Variants in SYNE1 observed in about 807,000 individuals in gnomAD.
The protein encoded by SYNE1 is spectrin repeat containing nuclear envelope protein 1, also known as nesprin-1.
A neutral mutation model predicts 1,111.0 loss-of-function variants in SYNE1; 616 were observed. That is an observed-to-expected ratio of 0.55 (90% confidence interval 0.52 to 0.59). The LOEUF (loss-of-function observed/expected upper bound fraction) is 0.59, where lower values mean the gene tolerates loss of function less well. Ranked by LOEUF, SYNE1 falls within the 20% of genes least tolerant of loss-of-function variation. The pLI is 0.00. For missense variants in SYNE1, 10,006 were observed against 10,417.0 expected (o/e 0.96, Z 1.72); for synonymous variants, 3,855 against 3,825.8 (o/e 1.01, Z -0.28).
intron 44 of SYNE1, among the ~76,000 whole-genome samples, chr6:152,408,521 T>C (rs1367853693): frequency 6.6e-6 from 1 of 152,234 alleles, no homozygotes; most frequent in Non-Finnish European, 1.5e-5. Flanking sequence ...TAACTTGTTA[T>C]GACTGAGGCT....
At chr6:152,302,113 A>G in intron 91 of SYNE1, 50 bp from the exon 92 acceptor site, 1 of 1,611,742 alleles carries the variant, frequency 6.2e-7, no homozygotes, top group Non-Finnish European at 8.5e-7. Flanking sequence ...TCAAAAGGAA[A>G]CAGAAGTAGT....
intron 3 of SYNE1, among the ~76,000 whole-genome samples, chr6:152,596,416 C>G (rs947108331): frequency 6.6e-6 from 1 of 151,770 alleles, no homozygotes; most frequent in African/African-American, 2.4e-5. Flanking sequence ...CCACCATGCC[C>G]AGCTAATTTT....
At chr6:152,528,467 C>T (rs748612328) in intron 4 of SYNE1, among the ~76,000 whole-genome samples, 6 of 152,190 alleles carry the variant, frequency 3.9e-5, no homozygotes, top group Non-Finnish European at 5.9e-5. Context: ...GGGACCTTTA[C>T]TATGATGACT....
chr6:152,189,011 ATATATAT>A, intron 128 of SYNE1, among the ~76,000 whole-genome samples: 6 of 132,100 alleles, frequency 4.5e-5, no homozygotes, highest in African/African-American at 1.4e-4. Flanking sequence ...ATATATATAT[ATATATAT>A]AAAATGCCAG....
chr6:152,282,604 T>A (rs1359003938), intron 96 of SYNE1, among the ~76,000 whole-genome samples: 1 of 152,198 alleles, frequency 6.6e-6, no homozygotes, highest in Non-Finnish European at 1.5e-5. Context: ...AAGTTTTTCA[T>A]AGAGTTACTG....
At chr6:152,414,861 G>T (rs1326071458) in intron 41 of SYNE1, among the ~76,000 whole-genome samples, 1 of 152,018 alleles carries the variant, frequency 6.6e-6, no homozygotes, top group Admixed American at 6.6e-5. Context: ...CTTTATTCTG[G>T]AGGCTATTTT....
At chr6:152,135,021 C>A (rs1052639335) in intron 142 of SYNE1, 83 bp downstream of exon 142, 3 of 1,588,870 alleles carry the variant, frequency 1.9e-6, no homozygotes, top group Non-Finnish European at 2.6e-6. Context: ...AGAAACAACA[C>A]TTACCACTTA....
chr6:152,616,089 A>ATTTTG (rs1344351573), intron 3 of SYNE1, among the ~76,000 whole-genome samples: 1 of 152,258 alleles, frequency 6.6e-6, no homozygotes, highest in Non-Finnish European at 1.5e-5. Flanking sequence ...CTTGATATTG[A>ATTTTG]AATAATTAAT....
chr6:152,134,787 G>C (rs1370965979), intron 142 of SYNE1: 1 of 319,166 alleles, frequency 3.1e-6, no homozygotes, highest in Non-Finnish European at 5.9e-6. Flanking sequence ...TTGGGCCATA[G>C]ATGTAACATG....
At chr6:152,496,658 G>A (rs757525161) in intron 11 of SYNE1, among the ~76,000 whole-genome samples, 6 of 151,972 alleles carry the variant, frequency 3.9e-5, no homozygotes, top group Admixed American at 6.6e-5. Flanking sequence ...CCTGCTCGAA[G>A]CAGCTCTGAG....
chr6:152,605,025 AGAGAGAGAGAGG>A lies in SYNE1; in HGVS notation c.67+23228_67+23239del, dbSNP rs1200264386. ...GAAAGAAAGAGAGAGAGAGAGAGAGAGAGAGAGAGAGGGAGGGAGGGAGGGAGGGAGGGAGGG... is the reference window on the plus strand; with the variant it reads ...GAAAGAAAGAGAGAGAGAGAGAGAGAGAGGGAGGGAGGGAGGGAGGGAGGG... On this transcript the variant is annotated intron_variant, in intron 3 of 145. Transcript: ENST00000367255. Among the ~76,000 whole-genome samples, 45 of 67,460 alleles carry A rather than the reference AGAGAGAGAGAGG, an allele frequency of 6.7e-4. 1 individual carries two copies. Among genetic ancestry groups the A allele is most frequent in the African/African-American group, 2.9e-3 (40 of 13,748 alleles). The allele number at this position is 67,460 out of a possible 152,430, so 44.3% of individuals were successfully genotyped here.
At chr6:152,405,537 A>G (rs2097885308) in intron 45 of SYNE1, among the ~76,000 whole-genome samples, 1 of 152,256 alleles carries the variant, frequency 6.6e-6, no homozygotes, top group East Asian at 1.9e-4. Context: ...ATATGTTTTT[A>G]GTTGTCATTA....
intron 3 of SYNE1, among the ~76,000 whole-genome samples, chr6:152,619,072 A>AC (rs1555033184): frequency 1.3e-5 from 2 of 152,038 alleles, no homozygotes; most frequent in African/African-American, 4.8e-5. Context: ...ACACACACAC[A>AC]AAGTGTAATA....
intron 62 of SYNE1, 116 bp downstream of exon 62, chr6:152,367,102 A>G: frequency 7.6e-7 from 1 of 1,309,040 alleles, no homozygotes; most frequent in Non-Finnish European, 1.1e-6. Flanking sequence ...CTCACAAAGC[A>G]TCTGAGATTT....
chr6:152,126,240 C>T (rs980793652), intron 145 of SYNE1: 3 of 152,182 alleles, frequency 2.0e-5, no homozygotes, highest in African/African-American at 4.8e-5. Context: ...TGGGAAAATG[C>T]CTGTCCCCTT....
intron 3 of SYNE1, among the ~76,000 whole-genome samples, chr6:152,571,018 G>T (rs1464229167): frequency 6.6e-6 from 1 of 152,164 alleles, no homozygotes; most frequent in Non-Finnish European, 1.5e-5. Context: ...AAGGGACTTT[G>T]CTCAGAAATC....
intron 87 of SYNE1, among the ~76,000 whole-genome samples, chr6:152,313,094 C>T (rs146643252): frequency 8.5e-5 from 13 of 152,272 alleles, no homozygotes; most frequent in African/African-American, 2.2e-4. Context: ...CAAAAAATCA[C>T]GGCGGAGATA....
chr6:152,183,624 C>T (rs1210401517), intron 128 of SYNE1, among the ~76,000 whole-genome samples: 6 of 152,040 alleles, frequency 3.9e-5, no homozygotes, highest in African/African-American at 1.2e-4. Flanking sequence ...GAAACTCCTG[C>T]CCTTCAGACT....
At chr6:152,498,709 G>A in intron 11 of SYNE1, 33 bp downstream of exon 11, 1 of 1,457,938 alleles carries the variant, frequency 6.9e-7, no homozygotes, top group African/African-American at 1.4e-5. Flanking sequence ...ATGTTTGAAA[G>A]AGGTCATCAA....
Sources: allele counts gnomAD v4.1 joint callset (sites outside exome capture counted in the v4.1 genomes callset), GRCh38; gene constraint gnomAD v4.1.1; transcripts MANE v1.5; gene names NCBI Gene and HGNC (gene_info 2026-07-23, HGNC 2026-07-21).